KCNH4: variants seen among roughly 807,000 people sequenced by gnomAD.
KCNH4 encodes the protein potassium voltage-gated channel subfamily H member 4.
KCNH4 carries 33 observed loss-of-function variants against 90.7 expected under a neutral mutation model. The ratio of observed to expected loss-of-function variants is 0.36; its 90% confidence interval spans 0.28 to 0.49. The LOEUF (loss-of-function observed/expected upper bound fraction) is 0.49, where lower values mean the gene tolerates loss of function less well. Among genes scored for constraint, KCNH4 ranks in the 20% least tolerant of loss-of-function variants. The probability of loss-of-function intolerance (pLI) is 0.98; values close to 1 mark genes in which losing one functional copy is unlikely to be tolerated. For missense variants in KCNH4, 1,044 were observed against 1,387.1 expected, an observed-to-expected ratio of 0.75 and a Z score of 3.93; for synonymous variants, 551 against 581.7, an observed-to-expected ratio of 0.95 and a Z score of 0.76.
chr17:42,173,449 T>A (rs1322682941), intron 6 of KCNH4, among the ~76,000 whole-genome samples: 1 of 152,174 alleles, frequency 6.6e-6, no homozygotes, highest in East Asian at 1.9e-4. Flanking sequence ...CTCAGTCAGC[T>A]GCCCTTGGGC....
intron 16 of KCNH4, among the ~76,000 whole-genome samples, chr17:42,158,584 C>T (rs994241080): frequency 8.1e-5 from 12 of 147,484 alleles, no homozygotes; most frequent in African/African-American, 3.0e-4. Context: ...ACTTGTAATC[C>T]CAGCACTTTG....
rs1009763055 is a variant in KCNH4 at position 42,180,344 on chromosome 17, C to G, written c.76+526G>C. Among the ~76,000 whole-genome samples the G allele has an allele frequency of 6.6e-6, 1 of 152,170 alleles. No individual in the cohort carries two copies. Among genetic ancestry groups the G allele is most frequent in the African/African-American group, 2.4e-5 (1 of 41,426 alleles). ...ACGTTGGGCGAGCTGGGAGTTCCCA[C>G]CGTCGCACAGACCGCTCCCCTCCTC... On this transcript the variant is annotated intron_variant, in intron 1 of 16. Transcript: ENST00000264661. This position sits in a 1 kb window ranked among gnomAD's most constrained non-coding sequence, Gnocchi z 4.7.
chr17:42,172,137 T>A lies in KCNH4; in HGVS notation c.988-142A>T, dbSNP rs188601592. The A allele has an allele frequency of 5.4e-3, 3,544 of 653,200 alleles. 12 individuals are homozygous for A. Among genetic ancestry groups the A allele is most frequent in the Non-Finnish European group, 6.8e-3 (2,528 of 373,120 alleles). 40.5% of individuals were successfully genotyped at this position (653,200 alleles called of 1,614,324 possible). A position where few individuals can be genotyped will look rare whatever the true frequency, so the allele number is the denominator to read the frequency against. On this transcript the variant is annotated intron_variant, in intron 6 of 16. Transcript: ENST00000264661. ...AGACATCTTTGCTGTCCTGAGAAAG[T>A]GGCCAAGGAATGCAGCAGCAAGGGA...
chr17:42,167,946 C>G (rs556658878), intron 9 of KCNH4, among the ~76,000 whole-genome samples: 5 of 152,332 alleles, frequency 3.3e-5, no homozygotes, highest in African/African-American at 1.2e-4. Flanking sequence ...CTTCTCCCTC[C>G]GCAGCACTCA....
intron 15 of KCNH4, among the ~76,000 whole-genome samples, chr17:42,161,447 G>A (rs2079748315): frequency 6.6e-6 from 1 of 152,196 alleles, no homozygotes; most frequent in Non-Finnish European, 1.5e-5. Flanking sequence ...TGGTTGCTCT[G>A]CGGTGACAAC....
Position 42,163,793 on chromosome 17 carries a change from C to T in KCNH4, c.2290G>A (p.Glu764Lys), listed in dbSNP as rs1488706304. The part of the protein sequence containing the change: ...PRGSLVSLLG[E>K]ELPPFSALVS... Reference sequence around the variant, plus strand: ...AGGGCTGAGAATGGGGGCAGCTCCTCGCCCAAAAGGCTGACCAGGGAGCCC... The same window carrying T: ...AGGGCTGAGAATGGGGGCAGCTCCTTGCCCAAAAGGCTGACCAGGGAGCCC... Residue 764 changes from glutamate to lysine, a missense_variant, in exon 13 of 17, where the codon GAG becomes AAG. Around this residue, in one of 4 missense-constraint regions of KCNH4, gnomAD observed 441 missense variants for 512.3 expected, o/e 0.86. Coordinates refer to ENST00000264661, the MANE Select transcript of KCNH4 (RefSeq NM_012285.3). The surrounding 1 kb of genome is among the most constrained non-coding windows in gnomAD (Gnocchi z 5.4). 25 of 1,542,248 alleles carry T rather than the reference C, an allele frequency of 1.6e-5. No homozygotes were observed. Among genetic ancestry groups the T allele is most frequent in the South Asian group, 3.7e-5 (3 of 82,188 alleles).
chr17:42,172,463 C>T (rs1335822984), intron 6 of KCNH4, among the ~76,000 whole-genome samples: 1 of 151,738 alleles, frequency 6.6e-6, no homozygotes, highest in East Asian at 1.9e-4. Context: ...TGAGCCACTG[C>T]ACCCGGCCTT....
chr17:42,164,267 G>T, intron 11 of KCNH4, 99 bp from the exon 12 acceptor site: 1 of 1,096,390 alleles, frequency 9.1e-7, no homozygotes, highest in Non-Finnish European at 1.3e-6. Flanking sequence ...GGTTGAGAAT[G>T]TGGAGTCTTT....
chr17:42,163,764 G>A lies in KCNH4; in HGVS notation c.2319C>T (p.Val773=), dbSNP rs746520142. The A allele has an allele frequency of 1.3e-6, 2 of 1,557,006 alleles. No individual in the cohort carries two copies. Among genetic ancestry groups the A allele is most frequent in the African/African-American group, 1.4e-5 (1 of 73,138 alleles). Residue 773 remains valine, a synonymous_variant, in exon 13 of 17, where the codon GTC becomes GTT. Coordinates refer to ENST00000264661, the MANE Select transcript of KCNH4 (RefSeq NM_012285.3). This position sits in a 1 kb window ranked among gnomAD's most constrained non-coding sequence, Gnocchi z 5.4. The stretch of plus-strand genomic sequence containing the variant: ...GGGATGGGGATAAGGAAGGAGAGGA[G>A]ACAAGGGCTGAGAATGGGGGCAGCT... ...GEELPPFSAL[V]SSPSLSPSLS...
Position 42,170,272 on chromosome 17 carries a change from C to G in KCNH4, c.1225G>C (p.Glu409Gln). The G allele has an allele frequency of 1.9e-6, 3 of 1,601,752 alleles. No individual in the cohort carries two copies. The highest frequency in any genetic ancestry group is 2.5e-6 in the Non-Finnish European group (3 of 1,178,452). ...ACCGAGCCATTGACATAGGGCACCT[C>G]CAGACGCTTGCCCAACTCATGCAAC... The part of the protein sequence containing the change: ...GWLHELGKRL[E>Q]VPYVNGSVGG... The change falls in exon 8 of 17, where the codon GAG becomes CAG. Residue 409 changes from glutamate (E) to glutamine (Q), a missense_variant. This residue lies in a region of KCNH4 where 318 missense variants were observed against 479.6 expected (regional missense o/e 0.66). Transcript: ENST00000264661.
rs2079897818 is a variant in KCNH4, at chr17:42,181,020, G to T, written c.-75C>A. 2 of 1,377,934 alleles carry T rather than the reference G, an allele frequency of 1.5e-6. No individual in the cohort carries two copies. The highest frequency in any genetic ancestry group is 1.5e-5 in the African/African-American group (1 of 68,284). 85.4% of individuals were successfully genotyped at this position (1,377,934 alleles called of 1,614,324 possible). On this transcript the variant is annotated 5_prime_UTR_variant, in exon 1 of 17. Coordinates refer to ENST00000264661, the MANE Select transcript of KCNH4 (RefSeq NM_012285.3). ...GCCGGGCCGGAGGGGGCGCGCTGTCGGAGGGGCCGGGGCGCCCCATGCGCC... is the reference window on the plus strand; with the variant it reads ...GCCGGGCCGGAGGGGGCGCGCTGTCTGAGGGGCCGGGGCGCCCCATGCGCC...
chr17:42,168,084 A>T (rs1468470333), intron 9 of KCNH4, among the ~76,000 whole-genome samples: 1 of 148,378 alleles, frequency 6.7e-6, no homozygotes, highest in Non-Finnish European at 1.5e-5. Context: ...ACCTTCCTTG[A>T]CTCCTCCCCA....
intron 2 of KCNH4, 37 bp from the exon 3 acceptor site, chr17:42,178,514 CA>C: frequency 1.9e-6 from 3 of 1,610,980 alleles, no homozygotes; most frequent in Non-Finnish European, 1.7e-6. Context: ...GGAGCATGGG[CA>C]GCCCCATGGC....
intron 1 of KCNH4, among the ~76,000 whole-genome samples, chr17:42,179,799 G>T (rs1195576803): frequency 6.6e-6 from 1 of 152,236 alleles, no homozygotes; most frequent in African/African-American, 2.4e-5. Context: ...AAGTCTAATG[G>T]GAGAGGGCAT....
At chr17:42,167,591 G>A (rs905142924) in intron 9 of KCNH4, among the ~76,000 whole-genome samples, 6 of 151,956 alleles carry the variant, frequency 3.9e-5, no homozygotes, top group East Asian at 3.9e-4. Context: ...TCTACCTACC[G>A]GGCAGCCTCT....
In KCNH4 at chr17:42,163,408, TG is replaced by T. The variant is rs1568031866; in HGVS notation, c.2478-75del. On this transcript the variant is annotated intron_variant, in intron 13 of 16. Transcript: ENST00000264661. The surrounding 1 kb of genome is among the most constrained non-coding windows in gnomAD (Gnocchi z 5.4). Reference sequence around the variant, plus strand: ...CAGAGCAGAGCAGACAGAGGGGGACTGGGGGCAGCAGTGCCAGGGGGCGGAG... The same window carrying T: ...CAGAGCAGAGCAGACAGAGGGGGACTGGGGCAGCAGTGCCAGGGGGCGGAG... 3.5e-6 allele frequency: 4 copies of T among 1,134,012 alleles called. No individual in the cohort carries two copies. Among genetic ancestry groups the T allele is most frequent in the Admixed American group, 2.0e-5 (1 of 50,806 alleles). 70.2% of individuals were successfully genotyped at this position (1,134,012 alleles called of 1,614,324 possible).
At chr17:42,158,413 C>G (rs1410996230) in intron 16 of KCNH4, among the ~76,000 whole-genome samples, 1 of 150,064 alleles carries the variant, frequency 6.7e-6, no homozygotes, top group Non-Finnish European at 1.5e-5. Flanking sequence ...CGCCGGTAGT[C>G]CCAGCTACTC....
chr17:42,169,437 C>T (rs758375496), intron 9 of KCNH4, 40 bp downstream of exon 9: 9 of 1,592,372 alleles, frequency 5.7e-6, no homozygotes, highest in South Asian at 3.3e-5. Flanking sequence ...TGCAGGGCCA[C>T]GCGGAGGGCA....
rs865802904 is a variant in KCNH4 at position 42,165,118 on chromosome 17, C to A, written c.2085+331G>T. On this transcript the variant is annotated intron_variant, in intron 11 of 16. Transcript: ENST00000264661. The stretch of plus-strand genomic sequence containing the variant: ...AAGACTTCGTCTCAAAAAAAAAAAA[C>A]AAAACCCAAAAAAACAAAAACAAAA... Among the ~76,000 whole-genome samples, 460 of 149,952 alleles carry A rather than the reference C, an allele frequency of 3.1e-3. 4 individuals carry two copies. Among genetic ancestry groups the A allele is most frequent in the African/African-American group, 0.01 (419 of 40,802 alleles).
Sources: gnomAD v4.1 joint callset for allele counts (sites outside exome capture counted in the v4.1 genomes callset) on GRCh38, gnomAD v4.1.1 for gene constraint, gnomAD v4.1.1 regional missense constraint, Gnocchi (gnomAD v3.1) non-coding constraint, MANE v1.5 for transcripts, NCBI Gene and HGNC (gene_info 2026-07-23, HGNC 2026-07-21) for gene names.